Variants in KLHL5 observed in about 807,000 individuals in gnomAD.
KLHL5 encodes kelch-like protein 5.
KLHL5 carries 48 observed loss-of-function variants against 77.7 expected under a neutral mutation model. The ratio of observed to expected loss-of-function variants is 0.62; its 90% CI spans 0.49 to 0.79. The LOEUF (loss-of-function observed/expected upper bound fraction) is 0.79. Ranked by LOEUF, KLHL5 falls within the 30% of genes least tolerant of loss-of-function variation. The pLI, the probability that KLHL5 is intolerant of heterozygous loss-of-function variation, is 0.00. For missense variants in KLHL5, 723 were observed against 859.7 expected (o/e 0.84, Z 1.99); for synonymous variants, 260 against 297.0 (o/e 0.88, Z 1.28).
intron 4 of KLHL5, among the ~76,000 whole-genome samples, chr4:39,086,299 A>G (rs768582712): frequency 1.3e-5 from 2 of 152,242 alleles, no homozygotes; most frequent in Admixed American, 1.3e-4. Flanking sequence ...AAGTGATACA[A>G]CACTTTAATT....
intron 6 of KLHL5, among the ~76,000 whole-genome samples, chr4:39,102,451 G>A (rs115207877): frequency 0.019 from 2,861 of 150,062 alleles, 95 homozygotes; most frequent in African/African-American, 0.067. Context: ...ACTCCCTACC[G>A]TCATAGTTCC....
At chr4:39,119,564 G>A (rs1051147847) in intron 10 of KLHL5, among the ~76,000 whole-genome samples, 1 of 152,300 alleles carries the variant, frequency 6.6e-6, no homozygotes, top group South Asian at 2.1e-4. Flanking sequence ...CAGCCTGGGT[G>A]ACAGTGCAAG....
At chr4:39,099,123 A>T (rs191529798) in intron 6 of KLHL5, among the ~76,000 whole-genome samples, 66 of 152,144 alleles carry the variant, frequency 4.3e-4, no homozygotes, top group Non-Finnish European at 8.4e-4. Context: ...TCTCTACTAA[A>T]AAATACCAAA....
upstream of KLHL5, chr4:39,044,833 T>A (rs1473805367): frequency 1.5e-5 from 7 of 465,958 alleles, no homozygotes; most frequent in South Asian, 5.4e-4. Context: ...GGCTAACCGG[T>A]CCCCTACCCC....
At chr4:39,073,733 C>T (rs1718716095) in intron 1 of KLHL5, among the ~76,000 whole-genome samples, 1 of 152,062 alleles carries the variant, frequency 6.6e-6, no homozygotes, top group Admixed American at 6.5e-5. Flanking sequence ...TAACCTCTGC[C>T]TCCTTGGTTC....
chr4:39,082,142 G>C lies in KLHL5; in HGVS notation c.883G>C (p.Ala295Pro), dbSNP rs1719674930. 1 of 1,605,062 alleles carries C rather than the reference G, an allele frequency of 6.2e-7. No homozygotes were observed. The highest frequency in any genetic ancestry group is 8.5e-7 in the Non-Finnish European group (1 of 1,176,922). The change falls in exon 4 of 11, where the codon GCT (alanine) becomes CCT (proline). Residue 295 changes from alanine (A) to proline (P), a missense_variant. Ala to Pro is a conservative substitution (Grantham distance 27). Transcript: ENST00000504108. ...AQGCTDLHKV[A>P]HNYTMEHFME... ...AGGTTGTACAGATTTGCATAAAGTG[G>C]CTCACAATTATACTATGGTATGTAT...
chr4:39,096,861 G>C lies in KLHL5; in HGVS notation c.1283G>C (p.Gly428Ala). The change falls in exon 6 of 11, where the codon GGA becomes GCA. Residue 428 changes from glycine to alanine, a missense_variant. Transcript: ENST00000504108. Reference protein sequence around the residue: ...STVGTLFAVGGMDSTKGATSI... With the variant: ...STVGTLFAVGAMDSTKGATSI... ...GTTGGTACATTATTTGCAGTTGGGG[G>C]AATGGATTCAACAAAAGGTATCAAA... 6.2e-7 allele frequency: 1 copy of C among 1,613,268 alleles called. No homozygotes were observed. The highest frequency in any genetic ancestry group is 8.5e-7 in the Non-Finnish European group (1 of 1,179,396).
Position 39,113,082 on chromosome 4 carries a change from C to A in KLHL5, c.1751C>A (p.Pro584His). ...SCLKSVECFDPHTNKWTLCAQ... is the reference protein window; with the variant it reads ...SCLKSVECFDHHTNKWTLCAQ... ...CTCAAATCAGTAGAATGTTTTGATC[C>A]TCATACTAATAAGTGGACACTGTGT... Residue 584 changes from proline (P) to histidine (H), a missense_variant, in exon 9 of 11, where the codon CCT (proline) becomes CAT (histidine). Pro to His is a moderately conservative substitution (Grantham distance 77). This residue lies in a region of KLHL5 where 214 missense variants were observed against 237.4 expected (regional missense o/e 0.90). Coordinates refer to ENST00000504108, the MANE Select transcript of KLHL5 (RefSeq NM_015990.5). 1.2e-6 allele frequency: 2 copies of A among 1,613,950 alleles called. No homozygotes were observed. Among genetic ancestry groups the A allele is most frequent in the Non-Finnish European group, 1.7e-6 (2 of 1,179,962 alleles).
the KLHL5 span, among the ~76,000 whole-genome samples, chr4:39,133,411 A>G: frequency 1.3e-5 from 2 of 152,002 alleles, no homozygotes; most frequent in African/African-American, 4.8e-5. Context: ...TAAAAATGTG[A>G]TAAGTATTAT....
Position 39,062,376 on chromosome 4 carries a change from G to A in KLHL5, c.-277G>A, listed in dbSNP as rs924563911. The A allele has an allele frequency of 2.1e-6, 3 of 1,442,598 alleles. No individual in the cohort carries two copies. The highest frequency in any genetic ancestry group is 2.7e-6 in the Non-Finnish European group (3 of 1,104,958). 89.4% of individuals were successfully genotyped at this position (1,442,598 alleles called of 1,614,324 possible). On this transcript the variant is annotated 5_prime_UTR_variant, in exon 1 of 11. The change creates a new upstream start codon in the 5' untranslated region. Transcript: ENST00000504108. Reference sequence around the variant, plus strand: ...AGTATGGGAAAGGAGAGCCGGGAAAGTGGTCTAGCTGCTTCAGGATAGGTG... The same window carrying A: ...AGTATGGGAAAGGAGAGCCGGGAAAATGGTCTAGCTGCTTCAGGATAGGTG...
intron 5 of KLHL5, chr4:39,093,512 T>G (rs1371045034): frequency 2.2e-6 from 1 of 447,262 alleles, no homozygotes; most frequent in Non-Finnish European, 4.5e-6. Flanking sequence ...CCAATAAAAT[T>G]GTAAAGAAAT....
At chr4:39,101,126 T>TATACACATATATATATA (rs1553892884) in intron 6 of KLHL5, among the ~76,000 whole-genome samples, 1 of 134,844 alleles carries the variant, frequency 7.4e-6, no homozygotes, top group East Asian at 2.1e-4. Context: ...TATTTGGATT[T>TATACACATATATATATA]TATATATATA....
chr4:39,078,602 T>C (rs1299021980), intron 2 of KLHL5, among the ~76,000 whole-genome samples: 1 of 149,498 alleles, frequency 6.7e-6, no homozygotes, highest in East Asian at 2.0e-4. Flanking sequence ...GGCTGAATCA[T>C]GAGTATTGCT....
At chr4:39,047,676 G>A (rs1376861037) in intron 1 of KLHL5, among the ~76,000 whole-genome samples, 1 of 152,166 alleles carries the variant, frequency 6.6e-6, no homozygotes, top group East Asian at 1.9e-4. Flanking sequence ...ACCTTCTTCT[G>A]TGCTTCAGGG....
upstream of KLHL5, among the ~76,000 whole-genome samples, chr4:39,060,441 T>TACC (rs71192817): frequency 0.4 from 59,074 of 148,872 alleles, 13,075 homozygotes; most frequent in Admixed American, 0.52. Flanking sequence ...ACTAAAAATC[T>TACC]ACCACCACCA....
intron 10 of KLHL5, chr4:39,120,123 A>G (rs1156873441): frequency 1.3e-5 from 2 of 152,204 alleles, no homozygotes; most frequent in Non-Finnish European, 2.9e-5. Context: ...AGTACAAAGC[A>G]AACTTTCTTA....
Position 39,062,256 on chromosome 4 carries a change from G to A in KLHL5, c.-397G>A. On this transcript the variant is annotated 5_prime_UTR_variant, in exon 1 of 11. Coordinates refer to ENST00000504108, the MANE Select transcript of KLHL5 (RefSeq NM_015990.5). ...TACTGCAACGGGGATAGTGTTTTCT[G>A]TCTCTGTCATTTGTGGTTTAAGAAA... 3.1e-6 allele frequency: 4 copies of A among 1,289,400 alleles called. No homozygotes were observed. Among genetic ancestry groups the A allele is most frequent in the Non-Finnish European group, 3.9e-6 (4 of 1,017,104 alleles). 79.9% of individuals were successfully genotyped at this position (1,289,400 alleles called of 1,614,324 possible).
At position 39,113,089 on chromosome 4, in the gene KLHL5, T is replaced by A. The variant is rs751390614; in HGVS notation, c.1758T>A (p.Thr586=). 2 of 1,614,090 alleles carry A rather than the reference T, an allele frequency of 1.2e-6. No homozygotes were observed. Among genetic ancestry groups the A allele is most frequent in the Non-Finnish European group, 1.7e-6 (2 of 1,179,966 alleles). ...LKSVECFDPH[T]NKWTLCAQMS... Reference sequence around the variant, plus strand: ...CAGTAGAATGTTTTGATCCTCATACTAATAAGTGGACACTGTGTGCACAGA... The same window carrying A: ...CAGTAGAATGTTTTGATCCTCATACAAATAAGTGGACACTGTGTGCACAGA... Residue 586 remains threonine (T), a synonymous_variant, in exon 9 of 11, where the codon ACT becomes ACA. Transcript: ENST00000504108.
At chr4:39,080,572 A>G (rs1159614941) in intron 2 of KLHL5, among the ~76,000 whole-genome samples, 1 of 151,676 alleles carries the variant, frequency 6.6e-6, no homozygotes, top group African/African-American at 2.4e-5. Flanking sequence ...ACCATTAAAA[A>G]CTTAGAGACA....
Sources: gnomAD v4.1 joint callset for allele counts (sites outside exome capture counted in the v4.1 genomes callset) on GRCh38, gnomAD v4.1.1 for gene constraint, gnomAD v4.1.1 regional missense constraint, MANE v1.5 for transcripts, NCBI Gene and HGNC (gene_info 2026-07-23, HGNC 2026-07-21) for gene names.